Variants in CNTNAP5 observed in about 807,000 individuals in gnomAD.
CNTNAP5 encodes the protein contactin associated protein family member 5, also known as contactin-associated protein-like 5.
A neutral mutation model predicts 150.2 loss-of-function variants in CNTNAP5; 72 were observed. The observed-to-expected ratio is 0.48, with a 90% CI of 0.40 to 0.58. CNTNAP5 has a LOEUF of 0.58. CNTNAP5 is among the 20% of genes least tolerant of loss of function. The probability of loss-of-function intolerance (pLI) is 0.00; values close to 1 mark genes in which losing one functional copy is unlikely to be tolerated. For synonymous variants in CNTNAP5, 672 were observed against 619.8 expected, an observed-to-expected ratio of 1.08 and a Z score of -1.25; for missense variants, 1,636 against 1,626.2, an observed-to-expected ratio of 1.01 and a Z score of -0.10.
At chr2:124,169,227 C>T (rs553576784) in intron 1 of CNTNAP5, among the ~76,000 whole-genome samples, 2 of 152,124 alleles carry the variant, frequency 1.3e-5, no homozygotes, top group South Asian at 4.2e-4. Context: ...CTTTTCATAT[C>T]TCTTGTGGTG....
chr2:124,247,290 T>C (rs970864883), intron 3 of CNTNAP5, among the ~76,000 whole-genome samples: 1 of 152,122 alleles, frequency 6.6e-6, no homozygotes, highest in Admixed American at 6.6e-5. Flanking sequence ...TAAGCTCTCA[T>C]TATATGCCAA....
chr2:124,079,559 G>A (rs1394225220), intron 1 of CNTNAP5, among the ~76,000 whole-genome samples: 1 of 152,100 alleles, frequency 6.6e-6, no homozygotes, highest in Non-Finnish European at 1.5e-5. Flanking sequence ...TTCAAACAGT[G>A]CATTGCAATA....
chr2:124,239,846 G>A (rs1686842451), intron 2 of CNTNAP5, among the ~76,000 whole-genome samples: 1 of 152,134 alleles, frequency 6.6e-6, no homozygotes, highest in African/African-American at 2.4e-5. Flanking sequence ...TGAGAAGCTA[G>A]AGAAAGGCAG....
chr2:124,349,899 T>TTTTTTTTTTG (rs1553460408), intron 3 of CNTNAP5, among the ~76,000 whole-genome samples: 4 of 115,342 alleles, frequency 3.5e-5, no homozygotes, highest in Admixed American at 9.2e-5. Flanking sequence ...TTTTTTTTTT[T>TTTTTTTTTTG]TTTGAGACAG....
intron 4 of CNTNAP5, among the ~76,000 whole-genome samples, chr2:124,423,751 G>A (rs1366720776): frequency 8.2e-6 from 1 of 122,186 alleles, no homozygotes; most frequent in Non-Finnish European, 1.6e-5. Context: ...TGCAAGCTCC[G>A]CCTCCCAGGT....
At chr2:124,450,158 G>C (rs1320139521) in intron 6 of CNTNAP5, among the ~76,000 whole-genome samples, 2 of 151,928 alleles carry the variant, frequency 1.3e-5, no homozygotes, top group African/African-American at 4.8e-5. Flanking sequence ...ACCAGCTAGA[G>C]GACAACAGTC....
intron 19 of CNTNAP5, among the ~76,000 whole-genome samples, chr2:124,814,068 T>C (rs2104661245): frequency 6.6e-6 from 1 of 152,184 alleles, no homozygotes; most frequent in East Asian, 1.9e-4. Flanking sequence ...GGTTCACCTC[T>C]AAACTCTCCT....
At chr2:124,295,935 T>C (rs993327077) in intron 3 of CNTNAP5, among the ~76,000 whole-genome samples, 1 of 152,236 alleles carries the variant, frequency 6.6e-6, no homozygotes, top group Non-Finnish European at 1.5e-5. Flanking sequence ...AGGAATTCTT[T>C]AGGAAATTAA....
Position 124,127,464 on chromosome 2 carries a change from C to A in CNTNAP5, c.83-94241C>A, listed in dbSNP as rs191929531. The stretch of plus-strand genomic sequence containing the variant: ...GCTCATGGATAGGAAGAATCAATAT[C>A]ATGAAAATGGCCATACTGCCCAAGG... On this transcript the variant is annotated intron_variant, in intron 1 of 23. Transcript: ENST00000682447. Among the ~76,000 whole-genome samples, 985 of 152,186 alleles carry A rather than the reference C, an allele frequency of 6.5e-3. 11 individuals carry two copies. Among genetic ancestry groups the A allele is most frequent in the African/African-American group, 0.023 (937 of 41,516 alleles).
In CNTNAP5 at chr2:124,690,901, G is replaced by A. The variant is rs148448749; in HGVS notation, c.2077+42943G>A. 5.8e-3 allele frequency among the ~76,000 whole-genome samples: 880 copies of A among 152,132 alleles called. 9 individuals carry two copies. Among genetic ancestry groups the A allele is most frequent in the African/African-American group, 0.019 (809 of 41,510 alleles). On this transcript the variant is annotated intron_variant, in intron 13 of 23. Coordinates refer to ENST00000682447, the MANE Select transcript of CNTNAP5 (RefSeq NM_001367498.1). ...TTTATCATGTTGCTATACGGGCAAA[G>A]GGAAAACTTCCCCTTTACCCTCAAG... is the stretch of plus-strand genomic sequence containing the variant.
At chr2:124,679,128 T>C (rs998420553) in intron 13 of CNTNAP5, among the ~76,000 whole-genome samples, 1 of 151,788 alleles carries the variant, frequency 6.6e-6, no homozygotes, top group African/African-American at 2.4e-5. Flanking sequence ...AGGCAGGCAT[T>C]GACAAGGCAG....
intron 3 of CNTNAP5, among the ~76,000 whole-genome samples, chr2:124,373,594 T>C (rs1690580437): frequency 6.6e-6 from 1 of 151,980 alleles, no homozygotes; most frequent in Non-Finnish European, 1.5e-5. Flanking sequence ...AGCATATAAT[T>C]ATAAAAACAC....
chr2:124,764,223 T>A, intron 16 of CNTNAP5, 76 bp downstream of exon 16: 1 of 1,140,532 alleles, frequency 8.8e-7, no homozygotes, highest in Non-Finnish European at 1.3e-6. Context: ...CACCAGTCAC[T>A]AGTGGGCATT....
intron 3 of CNTNAP5, among the ~76,000 whole-genome samples, chr2:124,356,888 T>A (rs1191644795): frequency 6.6e-6 from 1 of 151,820 alleles, no homozygotes; most frequent in Non-Finnish European, 1.5e-5. Context: ...CCACACTGAC[T>A]TCCACAATGG....
At chr2:124,566,497 T>G (rs758456911) in intron 11 of CNTNAP5, among the ~76,000 whole-genome samples, 2 of 152,168 alleles carry the variant, frequency 1.3e-5, no homozygotes, top group Non-Finnish European at 2.9e-5. Context: ...CTGTCAAGCC[T>G]GATGAGCAGG....
At chr2:124,857,592 G>A (rs551388236) in intron 19 of CNTNAP5, among the ~76,000 whole-genome samples, 29 of 152,064 alleles carry the variant, frequency 1.9e-4, no homozygotes, top group South Asian at 6.2e-4. Flanking sequence ...TTGGGAGGCC[G>A]AGGCGGGTGG....
intron 19 of CNTNAP5, among the ~76,000 whole-genome samples, chr2:124,801,113 T>C (rs1176742586): frequency 6.6e-6 from 1 of 152,174 alleles, no homozygotes; most frequent in African/African-American, 2.4e-5. Flanking sequence ...TTTAGAATCC[T>C]GGACATCTCT....
chr2:124,707,097 A>AG (rs1558743601), intron 13 of CNTNAP5, among the ~76,000 whole-genome samples: 2 of 129,780 alleles, frequency 1.5e-5, no homozygotes, highest in African/African-American at 6.1e-5. Flanking sequence ...AAGAAGAAGA[A>AG]GAGGAAGAAG....
At chr2:124,142,104 T>G (rs1684127031) in intron 1 of CNTNAP5, among the ~76,000 whole-genome samples, 1 of 145,700 alleles carries the variant, frequency 6.9e-6, no homozygotes. Context: ...CCTAAATATT[T>G]ATGCACCCAA....
Sources: allele counts gnomAD v4.1 joint callset (sites outside exome capture counted in the v4.1 genomes callset), GRCh38; gene constraint gnomAD v4.1.1; transcripts MANE v1.5; gene names NCBI Gene and HGNC (gene_info 2026-07-23, HGNC 2026-07-21).